The following TMEM163 variants were observed in gnomAD, a reference collection of about 807,000 sequenced individuals.
TMEM163 encodes the protein transmembrane protein 163.
In TMEM163, 17 loss-of-function variants were observed where a neutral mutation model predicts 29.3. That is an observed-to-expected ratio of 0.58 (90% CI 0.40 to 0.87). The LOEUF is 0.87. Ranked by LOEUF, TMEM163 falls within the 40% of genes least tolerant of loss-of-function variation. The probability of loss-of-function intolerance (pLI) is 0.00; values close to 1 mark genes in which losing one functional copy is unlikely to be tolerated. For missense variants in TMEM163, 303 were observed against 381.5 expected, an observed-to-expected ratio of 0.79 and a Z score of 1.71; for synonymous variants, 157 against 160.6, an observed-to-expected ratio of 0.98 and a Z score of 0.17.
intron 2 of TMEM163, among the ~76,000 whole-genome samples, chr2:134,620,979 C>T (rs925349207): frequency 2.6e-5 from 4 of 151,874 alleles, no homozygotes; most frequent in Admixed American, 1.3e-4. Flanking sequence ...AGTTGATAAC[C>T]GAATATAGTC....
intron 2 of TMEM163, among the ~76,000 whole-genome samples, chr2:134,647,781 T>C (rs1409890341): frequency 1.3e-5 from 2 of 152,184 alleles, no homozygotes; most frequent in African/African-American, 4.8e-5. Context: ...CGGACTCCAC[T>C]CATTCAGTCC....
intron 4 of TMEM163, among the ~76,000 whole-genome samples, chr2:134,503,513 T>A (rs1206497147): frequency 6.6e-6 from 1 of 152,172 alleles, no homozygotes; most frequent in East Asian, 1.9e-4. Flanking sequence ...AAACATAAAA[T>A]GGGAAGCCAT....
chr2:134,714,251 C>A (rs1475653186), intron 1 of TMEM163, among the ~76,000 whole-genome samples: 1 of 152,178 alleles, frequency 6.6e-6, no homozygotes, highest in African/African-American at 2.4e-5. Flanking sequence ...ACATTTTCAG[C>A]CATGCATTTA....
chr2:134,456,100 T>G lies in TMEM163; in HGVS notation c.*616A>C, dbSNP rs1686381223. On this transcript the variant is annotated 3_prime_UTR_variant, in exon 8 of 8. Transcript: ENST00000281924. ...AATGTACAAGAAAAGGTCAATGTGC[T>G]TATTTAATTCGTCCATGCAAAGCTT... is the stretch of plus-strand genomic sequence containing the variant. 6.5e-6 allele frequency: 1 copy of G among 152,732 alleles called. No individual in the cohort carries two copies. Among genetic ancestry groups the G allele is most frequent in the Non-Finnish European group, 1.5e-5 (1 of 68,104 alleles). 9.5% of individuals were successfully genotyped at this position (152,732 alleles called of 1,614,324 possible).
chr2:134,703,126 T>A (rs2104893454), intron 2 of TMEM163, among the ~76,000 whole-genome samples: 1 of 152,130 alleles, frequency 6.6e-6, no homozygotes, highest in Non-Finnish European at 1.5e-5. Context: ...GTAGATGTGT[T>A]CCCCCTAAAA....
chr2:134,606,394 G>A (rs1682361520), intron 2 of TMEM163, among the ~76,000 whole-genome samples: 1 of 151,020 alleles, frequency 6.6e-6, no homozygotes, highest in Non-Finnish European at 1.5e-5. Context: ...TCCTCCCTCT[G>A]CTCACAGTGA....
At chr2:134,468,997 G>A (rs888665195) in intron 5 of TMEM163, 24 of 152,262 alleles carry the variant, frequency 1.6e-4, no homozygotes, top group Non-Finnish European at 3.2e-4. Flanking sequence ...ACGAGTTGTT[G>A]TGAAGGGGCC....
chr2:134,535,559 A>T (rs1390723346), intron 4 of TMEM163, among the ~76,000 whole-genome samples: 1 of 152,206 alleles, frequency 6.6e-6, no homozygotes, highest in Non-Finnish European at 1.5e-5. Context: ...TTACTGATCA[A>T]AGGGCATAAA....
chr2:134,668,285 G>A (rs1193747462), intron 2 of TMEM163, among the ~76,000 whole-genome samples: 1 of 152,158 alleles, frequency 6.6e-6, no homozygotes, highest in Non-Finnish European at 1.5e-5. Context: ...GCGCTCATCA[G>A]TGGCCACATA....
chr2:134,650,894 T>C (rs1426746279), intron 2 of TMEM163, among the ~76,000 whole-genome samples: 1 of 133,310 alleles, frequency 7.5e-6, no homozygotes, highest in East Asian at 2.0e-4. Flanking sequence ...TATGGCTGCA[T>C]TGTATTCCAT....
chr2:134,589,524 C>T (rs957843691), intron 2 of TMEM163, among the ~76,000 whole-genome samples: 1 of 152,184 alleles, frequency 6.6e-6, no homozygotes, highest in Non-Finnish European at 1.5e-5. Context: ...CTAAAAGACA[C>T]TCCCACCAGC....
chr2:134,466,068 A>T, intron 6 of TMEM163, 46 bp downstream of exon 6: 2 of 1,410,334 alleles, frequency 1.4e-6, no homozygotes, highest in Non-Finnish European at 2.0e-6. Flanking sequence ...ATCTTCCTCC[A>T]CTGTGAGCCC....
At chr2:134,673,717 G>A (rs1033932874) in intron 2 of TMEM163, among the ~76,000 whole-genome samples, 5 of 152,118 alleles carry the variant, frequency 3.3e-5, no homozygotes, top group East Asian at 1.9e-4. Flanking sequence ...GAGAGCCCAC[G>A]AGCTGAGGAA....
intron 4 of TMEM163, among the ~76,000 whole-genome samples, chr2:134,520,177 A>C (rs560274884): frequency 2.0e-5 from 3 of 152,224 alleles, no homozygotes; most frequent in African/African-American, 7.2e-5. Flanking sequence ...AGGTCCACAC[A>C]TTCCCCCAAA....
intron 2 of TMEM163, among the ~76,000 whole-genome samples, chr2:134,588,024 C>T (rs1345452967): frequency 6.6e-6 from 1 of 152,226 alleles, no homozygotes; most frequent in Non-Finnish European, 1.5e-5. Context: ...GTCCTTTCAA[C>T]ATCAGCCAGG....
chr2:134,662,080 C>T (rs897597053), intron 2 of TMEM163, among the ~76,000 whole-genome samples: 6 of 151,742 alleles, frequency 4.0e-5, no homozygotes, highest in Admixed American at 6.6e-5. Flanking sequence ...GGACTACAGG[C>T]GCGTGCCACC....
intron 2 of TMEM163, among the ~76,000 whole-genome samples, chr2:134,620,258 T>A (rs1310220222): frequency 7.6e-6 from 1 of 131,136 alleles, no homozygotes. Context: ...ATCTAATTTC[T>A]TTTTTTTTTT....
At chr2:134,580,161 G>T (rs1259618308) in intron 2 of TMEM163, among the ~76,000 whole-genome samples, 1 of 152,160 alleles carries the variant, frequency 6.6e-6, no homozygotes, top group Non-Finnish European at 1.5e-5. Context: ...TTGAGACGAT[G>T]TATTTTCACG....
intron 5 of TMEM163, among the ~76,000 whole-genome samples, chr2:134,483,081 C>T (rs764992269): frequency 4.6e-5 from 7 of 152,166 alleles, no homozygotes; most frequent in South Asian, 2.1e-4. Context: ...CCGAGGGCTA[C>T]GACCAGCTCC....
Sources: allele counts gnomAD v4.1 joint callset (sites outside exome capture counted in the v4.1 genomes callset), GRCh38; gene constraint gnomAD v4.1.1; transcripts MANE v1.5; gene names NCBI Gene and HGNC (gene_info 2026-07-23, HGNC 2026-07-21).